ARID1B: variants seen among roughly 807,000 people sequenced by gnomAD.
ARID1B encodes the protein AT-rich interactive domain-containing protein 1B.
ARID1B carries 30 observed loss-of-function variants against 212.3 expected under a neutral mutation model. The ratio of observed to expected loss-of-function variants is 0.14; its 90% CI spans 0.11 to 0.19. The LOEUF is 0.19. ARID1B is among the 10% of genes least tolerant of loss of function. ARID1B has a pLI of 1.00. For synonymous variants in ARID1B, 1,402 were observed against 1,301.7 expected, an observed-to-expected ratio of 1.08 and a Z score of -1.66; for missense variants, 2,891 against 3,204.0, an observed-to-expected ratio of 0.90 and a Z score of 2.36.
At chr6:157,175,550 A>G (rs377410373) in intron 11 of ARID1B, 56 of 152,350 alleles carry the variant, frequency 3.7e-4, no homozygotes, top group African/African-American at 1.3e-3. Context: ...ATAAAAACGT[A>G]CAAGTTGTTA....
rs1338061895 is a variant in ARID1B at position 156,955,371 on chromosome 6, A to G, written c.2247+19795A>G. ...CTGTATGTTCCAGGCCATACATTACATATTAACCACAATCCTGTCCTAGAG... is the reference window on the plus strand; with the variant it reads ...CTGTATGTTCCAGGCCATACATTACGTATTAACCACAATCCTGTCCTAGAG... On this transcript the variant is annotated intron_variant, in intron 4 of 19. Coordinates refer to ENST00000636930, the MANE Select transcript of ARID1B (RefSeq NM_001374828.1). The surrounding 1 kb of genome is among the most constrained non-coding windows in gnomAD (Gnocchi z 4.2). 2.0e-5 allele frequency among the ~76,000 whole-genome samples: 3 copies of G among 152,180 alleles called. No homozygotes were observed. Among genetic ancestry groups the G allele is most frequent in the Admixed American group, 2.0e-4 (3 of 15,284 alleles).
intron 1 of ARID1B, among the ~76,000 whole-genome samples, chr6:156,789,217 G>GAA (rs1779856260): frequency 1.3e-5 from 2 of 152,210 alleles, no homozygotes; most frequent in African/African-American, 4.8e-5. Flanking sequence ...ACGTTGATGA[G>GAA]AAAGTGATCC....
At chr6:157,047,352 T>C (rs1717604241) in intron 4 of ARID1B, among the ~76,000 whole-genome samples, 1 of 152,212 alleles carries the variant, frequency 6.6e-6, no homozygotes, top group Admixed American at 6.5e-5. Flanking sequence ...TTTGGCATTA[T>C]ATGCAAAATC....
intron 8 of ARID1B, among the ~76,000 whole-genome samples, chr6:157,160,273 C>A (rs889337612): frequency 6.6e-6 from 1 of 152,172 alleles, no homozygotes; most frequent in African/African-American, 2.4e-5. Flanking sequence ...CAAAGCCAAA[C>A]CCTGTCCACA....
chr6:157,039,763 T>TTCTTTCTTTCCCTCCCTC (rs1781698388), intron 4 of ARID1B, among the ~76,000 whole-genome samples: 1 of 109,216 alleles, frequency 9.2e-6, no homozygotes, highest in African/African-American at 3.8e-5. Flanking sequence ...CTTCCTACCT[T>TTCTTTCTTTCCCTCCCTC]CCTACCTACC....
intron 8 of ARID1B, among the ~76,000 whole-genome samples, chr6:157,163,148 G>A (rs982970104): frequency 2.0e-5 from 3 of 152,098 alleles, no homozygotes; most frequent in Admixed American, 1.3e-4. Context: ...ATTTGGAGCC[G>A]TCCAAATGTT....
At chr6:157,066,469 A>G (rs1442389385) in intron 4 of ARID1B, among the ~76,000 whole-genome samples, 1 of 152,224 alleles carries the variant, frequency 6.6e-6, no homozygotes, top group African/African-American at 2.4e-5. Flanking sequence ...GTTTTAAAGT[A>G]TCTTCCATTA....
intron 1 of ARID1B, among the ~76,000 whole-genome samples, chr6:156,798,332 G>C (rs1463779217): frequency 6.6e-6 from 1 of 152,236 alleles, no homozygotes; most frequent in Non-Finnish European, 1.5e-5. Flanking sequence ...GCCTGGGGTC[G>C]TGCCTGGCAT....
intron 1 of ARID1B, among the ~76,000 whole-genome samples, chr6:156,806,447 A>G (rs941845248): frequency 6.6e-6 from 1 of 152,208 alleles, no homozygotes; most frequent in Non-Finnish European, 1.5e-5. Context: ...ACAAAAATAC[A>G]TTTCACAGAC....
At chr6:157,004,842 G>A (rs969284969) in intron 4 of ARID1B, among the ~76,000 whole-genome samples, 3 of 145,040 alleles carry the variant, frequency 2.1e-5, no homozygotes, top group African/African-American at 7.6e-5. Context: ...TAGTTCTTGT[G>A]TGTGTACTTT....
At chr6:156,988,041 GCTTA>G (rs1482602914) in intron 4 of ARID1B, among the ~76,000 whole-genome samples, 1 of 152,098 alleles carries the variant, frequency 6.6e-6, no homozygotes, top group Non-Finnish European at 1.5e-5. Flanking sequence ...CATTCTAGAT[GCTTA>G]CTGTTGGTAC....
intron 7 of ARID1B, among the ~76,000 whole-genome samples, chr6:157,147,220 GTCCCTCACCTCC>G (rs1789805067): frequency 2.3e-4 from 1 of 4,324 alleles, no homozygotes; most frequent in African/African-American, 1.4e-3. Context: ...CCTGCCCTCC[GTCCCTCACCTCC>G]GACCCTGCCG....
chr6:156,910,076 C>T (rs1012600541), intron 3 of ARID1B, among the ~76,000 whole-genome samples: 1 of 152,174 alleles, frequency 6.6e-6, no homozygotes, highest in African/African-American at 2.4e-5. Flanking sequence ...CTGACTTGGT[C>T]TGGATGCTTC....
intron 3 of ARID1B, among the ~76,000 whole-genome samples, chr6:156,917,846 G>A (rs940811894): frequency 2.0e-5 from 3 of 152,172 alleles, no homozygotes; most frequent in African/African-American, 7.2e-5. Flanking sequence ...GTGGAAATCT[G>A]AGTCTACTTT....
intron 1 of ARID1B, among the ~76,000 whole-genome samples, chr6:156,807,224 A>G (rs1015995819): frequency 6.6e-5 from 10 of 151,200 alleles, no homozygotes; most frequent in Middle Eastern, 3.2e-3. Flanking sequence ...GCTGGGAGAA[A>G]GTTCAGATCT....
At chr6:156,788,993 A>C (rs1004998815) in intron 1 of ARID1B, among the ~76,000 whole-genome samples, 1 of 152,224 alleles carries the variant, frequency 6.6e-6, no homozygotes, top group African/African-American at 2.4e-5. Context: ...GAATGGCTAC[A>C]GTTTTCTTCT....
At chr6:157,174,169 C>G in intron 10 of ARID1B, 52 bp downstream of exon 10, 1 of 1,517,320 alleles carries the variant, frequency 6.6e-7, no homozygotes, top group Non-Finnish European at 9.1e-7. Flanking sequence ...CAAAAAGCTG[C>G]CATGTCGTTC....
chr6:157,156,608 G>T (rs778143413), intron 8 of ARID1B, among the ~76,000 whole-genome samples: 3 of 152,258 alleles, frequency 2.0e-5, no homozygotes, highest in Admixed American at 6.5e-5. Flanking sequence ...GACCTGGGAG[G>T]GACCGGAGAC....
intron 4 of ARID1B, among the ~76,000 whole-genome samples, chr6:157,079,726 A>G (rs143956402): frequency 0.015 from 2,274 of 152,196 alleles, 53 homozygotes; most frequent in African/African-American, 0.052. Flanking sequence ...TTGCAGCTGT[A>G]TTTTTCTGTA....
Sources: allele counts gnomAD v4.1 joint callset (sites outside exome capture counted in the v4.1 genomes callset), GRCh38; gene constraint gnomAD v4.1.1; non-coding constraint Gnocchi (gnomAD v3.1); transcripts MANE v1.5; gene names NCBI Gene and HGNC (gene_info 2026-07-23, HGNC 2026-07-21).